Variants in BMERB1 observed in about 807,000 individuals in gnomAD.
BMERB1 encodes bMERB domain-containing protein 1.
In BMERB1, 12 loss-of-function variants were observed where a neutral mutation model predicts 23.6. The ratio of observed to expected loss-of-function variants is 0.51; its 90% CI spans 0.33 to 0.82. BMERB1 has a LOEUF of 0.82. BMERB1 is among the 40% of genes least tolerant of loss of function. The probability of loss-of-function intolerance (pLI) is 0.03; values close to 1 mark genes in which losing one functional copy is unlikely to be tolerated. For missense variants in BMERB1, 247 were observed against 255.4 expected, an observed-to-expected ratio of 0.97 and a Z score of 0.22; for synonymous variants, 122 against 96.6, an observed-to-expected ratio of 1.26 and a Z score of -1.54.
intron 1 of BMERB1, among the ~76,000 whole-genome samples, chr16:15,509,384 A>G (rs1257329777): frequency 3.3e-5 from 5 of 151,892 alleles, no homozygotes; most frequent in Non-Finnish European, 5.9e-5. Context: ...TATCTCTGCA[A>G]TGATCTGGCT....
At chr16:15,540,170 T>G (rs79218969) in intron 2 of BMERB1, among the ~76,000 whole-genome samples, 1 of 152,010 alleles carries the variant, frequency 6.6e-6, no homozygotes, top group African/African-American at 2.4e-5. Context: ...AATTTTCATG[T>G]CTTTTAGGAA....
intron 2 of BMERB1, 111 bp from the exon 3 acceptor site, chr16:15,567,872 C>T: frequency 1.1e-6 from 1 of 931,294 alleles, no homozygotes; most frequent in East Asian, 2.7e-5. Flanking sequence ...CATGTATGGC[C>T]TCTTCAAAAG....
intron 1 of BMERB1, among the ~76,000 whole-genome samples, chr16:15,458,349 CACAT>C (rs2051104700): frequency 6.6e-6 from 1 of 152,164 alleles, no homozygotes; most frequent in South Asian, 2.1e-4. Context: ...CAGTGTCTGA[CACAT>C]ACAGATGTTT....
chr16:15,544,823 C>A (rs2052117143), intron 2 of BMERB1, among the ~76,000 whole-genome samples: 2 of 152,188 alleles, frequency 1.3e-5, no homozygotes, highest in African/African-American at 4.8e-5. Flanking sequence ...CAGTCTTACT[C>A]TGTTCTTCTC....
At chr16:15,506,882 G>A (rs1310631674) in intron 1 of BMERB1, among the ~76,000 whole-genome samples, 1 of 152,200 alleles carries the variant, frequency 6.6e-6, no homozygotes, top group African/African-American at 2.4e-5. Flanking sequence ...TTTCTGTGCA[G>A]CGAGTAGCAG....
chr16:15,562,949 C>G (rs996219566), intron 2 of BMERB1, among the ~76,000 whole-genome samples: 1 of 152,208 alleles, frequency 6.6e-6, no homozygotes, highest in African/African-American at 2.4e-5. Context: ...GCCTCTTGTC[C>G]TGAAACTGGG....
At chr16:15,544,960 A>ATTTTC (rs1192554587) in intron 2 of BMERB1, among the ~76,000 whole-genome samples, 4 of 150,644 alleles carry the variant, frequency 2.7e-5, no homozygotes, top group Admixed American at 6.7e-5. Context: ...ACAAGCCCAA[A>ATTTTC]TTTTCTTTTC....
chr16:15,456,225 A>T (rs1005274423), intron 1 of BMERB1, among the ~76,000 whole-genome samples: 1 of 152,136 alleles, frequency 6.6e-6, no homozygotes, highest in Non-Finnish European at 1.5e-5. Context: ...ATGTTAACAC[A>T]TGGATTTTAA....
chr16:15,477,721 T>G (rs2051285929), intron 1 of BMERB1, among the ~76,000 whole-genome samples: 1 of 152,196 alleles, frequency 6.6e-6, no homozygotes, highest in Admixed American at 6.5e-5. Flanking sequence ...CGTTTTTTTT[T>G]TTCTGTGCTT....
At chr16:15,564,751 G>C (rs1486507673) in intron 2 of BMERB1, among the ~76,000 whole-genome samples, 1 of 152,214 alleles carries the variant, frequency 6.6e-6, no homozygotes, top group Non-Finnish European at 1.5e-5. Context: ...ATGTTGAATG[G>C]AATATGTAAG....
chr16:15,586,860 A>ACC lies in BMERB1; in HGVS notation c.*39_*40dup, dbSNP rs35954715. On this transcript the variant is annotated 3_prime_UTR_variant, in exon 6 of 6. Transcript: ENST00000300006. ...ACGTGGGGTGCCCTGGGCCATGGGG[A>ACC]CCCCCCCCCACCCTCTTGTCTTTAT... The ACC allele has an allele frequency of 5.0e-5, 63 of 1,264,612 alleles. No individual in the cohort carries two copies. The African/African-American group carries it at 5.5e-4, about 11-fold the overall frequency. 78.3% of individuals were successfully genotyped at this position (1,264,612 alleles called of 1,614,324 possible). A position where few individuals can be genotyped will look rare whatever the true frequency, so the allele number is the denominator to read the frequency against.
rs747409965 is a variant in BMERB1, at chr16:15,587,512, G to C, written c.*683G>C. On this transcript the variant is annotated 3_prime_UTR_variant, in exon 6 of 6. Transcript: ENST00000300006. ...TGCTCTCAGTCTGCCTCAGGTGTGT[G>C]CCTGGAGGGGGCCTGGACTGGCATG... 6 of 448,670 alleles carry C rather than the reference G, an allele frequency of 1.3e-5. No individual in the cohort carries two copies. The highest frequency in any genetic ancestry group is 2.4e-5 in the Admixed American group (1 of 41,852). The allele number at this position is 448,670 out of a possible 1,614,324, so 27.8% of individuals were successfully genotyped here. A position where few individuals can be genotyped will look rare whatever the true frequency, so the allele number is the denominator to read the frequency against.
chr16:15,440,485 A>G (rs1230899601), intron 1 of BMERB1, among the ~76,000 whole-genome samples: 1 of 152,160 alleles, frequency 6.6e-6, no homozygotes, highest in Non-Finnish European at 1.5e-5. Flanking sequence ...AATTGCTGGC[A>G]ATCTATATAA....
chr16:15,464,183 G>A (rs1343922121), intron 1 of BMERB1, among the ~76,000 whole-genome samples: 6 of 151,812 alleles, frequency 4.0e-5, no homozygotes, highest in Non-Finnish European at 8.8e-5. Flanking sequence ...TGTGGTGGTG[G>A]GCGACTGTAA....
chr16:15,434,713 T>C lies in BMERB1; in HGVS notation c.60T>C (p.Tyr20=), dbSNP rs373374141. Residue 20 remains tyrosine, a synonymous_variant, in exon 1 of 6, where the codon TAT becomes TAC. Coordinates refer to ENST00000300006, the MANE Select transcript of BMERB1 (RefSeq NM_033201.3). ...HLEAEKPLRR[Y]GAVEETAWKT... is the part of the protein sequence containing the mutation. ...AAGCCGAGAAGCCTCTGAGGCGCTATGGGGCGGTGGAGGAGACGGCTTGGA... is the reference window on the plus strand; with the variant it reads ...AAGCCGAGAAGCCTCTGAGGCGCTACGGGGCGGTGGAGGAGACGGCTTGGA... 142 of 1,448,262 alleles carry C rather than the reference T, an allele frequency of 9.8e-5. No homozygotes were observed. The highest frequency in any genetic ancestry group is 1.2e-4 in the Non-Finnish European group (128 of 1,085,090). 89.7% of individuals were successfully genotyped at this position (1,448,262 alleles called of 1,614,324 possible).
chr16:15,573,474 C>T (rs907889200), intron 3 of BMERB1, among the ~76,000 whole-genome samples: 10 of 151,778 alleles, frequency 6.6e-5, no homozygotes, highest in South Asian at 2.1e-4. Flanking sequence ...TTGGTTGGGT[C>T]GGAGATGAAA....
intron 1 of BMERB1, among the ~76,000 whole-genome samples, chr16:15,479,506 TA>T (rs1300904351): frequency 6.6e-6 from 1 of 152,096 alleles, no homozygotes; most frequent in Non-Finnish European, 1.5e-5. Context: ...AAAATAAGAA[TA>T]TTCACAATAA....
chr16:15,545,216 A>G (rs998033270), intron 2 of BMERB1, among the ~76,000 whole-genome samples: 1 of 151,924 alleles, frequency 6.6e-6, no homozygotes, highest in African/African-American at 2.4e-5. Context: ...CAAGTGATCC[A>G]CCTGCCTCGG....
chr16:15,544,589 G>A (rs2052114684), intron 2 of BMERB1, among the ~76,000 whole-genome samples: 1 of 152,240 alleles, frequency 6.6e-6, no homozygotes, highest in Non-Finnish European at 1.5e-5. Flanking sequence ...GAGCTGGCTT[G>A]ACACTCACAG....
Sources: allele counts gnomAD v4.1 joint callset (sites outside exome capture counted in the v4.1 genomes callset), GRCh38; gene constraint gnomAD v4.1.1; transcripts MANE v1.5; gene names NCBI Gene and HGNC (gene_info 2026-07-23, HGNC 2026-07-21).